The following ANXA3 variants were observed in gnomAD, a reference collection of about 807,000 sequenced individuals.
ANXA3 encodes annexin A3, also known as 35-alpha calcimedin.
A neutral mutation model predicts 48.8 loss-of-function variants in ANXA3; 46 were observed. The ratio of observed to expected loss-of-function variants is 0.94; its 90% CI spans 0.74 to 1.21. The LOEUF (loss-of-function observed/expected upper bound fraction) is 1.21, where lower values mean the gene tolerates loss of function less well. Ranked by LOEUF, ANXA3 falls within the 50% of genes most tolerant of loss-of-function variation. ANXA3 has a pLI of 0.00. For synonymous variants in ANXA3, 128 were observed against 134.7 expected (o/e 0.95, Z 0.35); for missense variants, 383 against 378.6 (o/e 1.01, Z -0.10).
At position 78,555,032 on chromosome 4, in the gene ANXA3, C is replaced by G. The variant is rs189533637; in HGVS notation, c.15+544C>G. Among the ~76,000 whole-genome samples, 339 of 152,192 alleles carry G rather than the reference C, an allele frequency of 2.2e-3. 2 individuals are homozygous for G. Among genetic ancestry groups the G allele is most frequent in the Admixed American group, 6.6e-3 (101 of 15,286 alleles). ...ACCAGCCTGGCCAACATGGTGAAAC[C>G]GTGTCTCTACTAGAAATACAAAAAT... On this transcript the variant is annotated intron_variant, in intron 2 of 12. Coordinates refer to ENST00000264908, the MANE Select transcript of ANXA3 (RefSeq NM_005139.3).
intron 5 of ANXA3, among the ~76,000 whole-genome samples, chr4:78,583,626 A>AAAG (rs910715213): frequency 2.9e-4 from 44 of 150,872 alleles, no homozygotes; most frequent in East Asian, 1.2e-3. Context: ...AAAAAAAAAA[A>AAAG]AAGAAGAAGA....
At position 78,578,292 on chromosome 4, in the gene ANXA3, A is replaced by AGAGAGC. The variant is rs1182949176; in HGVS notation, c.104-729_104-724dup. On this transcript the variant is annotated intron_variant, in intron 3 of 12. Coordinates refer to ENST00000264908, the MANE Select transcript of ANXA3 (RefSeq NM_005139.3). ...GAGAGAGAAAGGGCGAAGGGGAGAG[A>AGAGAGC]GAGAGCGAGAGAGAGAGAGAGAGAG... Among the ~76,000 whole-genome samples the AGAGAGC allele has an allele frequency of 7.8e-3, 707 of 90,108 alleles. 27 individuals are homozygous for AGAGAGC. The highest frequency in any genetic ancestry group is 0.031 in the African/African-American group (674 of 21,636). The allele number at this position is 90,108 out of a possible 152,430, so 59.1% of individuals were successfully genotyped here.
intron 10 of ANXA3, 31 bp downstream of exon 10, chr4:78,597,445 A>G (rs1170818819): frequency 1.4e-6 from 2 of 1,423,386 alleles, no homozygotes; most frequent in South Asian, 1.2e-5. Flanking sequence ...AAACTAAGTT[A>G]CTTTGCACTT....
At chr4:78,604,770 G>A (rs1210110496) in intron 12 of ANXA3, among the ~76,000 whole-genome samples, 1 of 152,160 alleles carries the variant, frequency 6.6e-6, no homozygotes, top group African/African-American at 2.4e-5. Context: ...TTTTACATGA[G>A]ACAGCATGGT....
At chr4:78,571,079 A>G (rs1722832941) in intron 2 of ANXA3, 1 of 151,960 alleles carries the variant, frequency 6.6e-6, no homozygotes. Flanking sequence ...TGACACAATC[A>G]CAGCTCACTG....
intron 7 of ANXA3, among the ~76,000 whole-genome samples, chr4:78,592,421 A>C (rs982897044): frequency 3.3e-5 from 5 of 152,218 alleles, no homozygotes; most frequent in Admixed American, 3.3e-4. Context: ...GATTTATCTA[A>C]ATTATGGTTT....
rs751136960 is a variant in ANXA3 at position 78,582,241 on chromosome 4, T to C, written c.263T>C (p.Val88Ala). 2 of 1,613,892 alleles carry C rather than the reference T, an allele frequency of 1.2e-6. No individual in the cohort carries two copies. Among genetic ancestry groups the C allele is most frequent in the South Asian group, 1.1e-5 (1 of 91,072 alleles). ...TTTGAGCATCTCATGGTGGCCCTAG[T>C]GACTCCACCAGCAGTCTTTGATGCA... is the stretch of plus-strand genomic sequence containing the variant. Reference protein sequence around the residue: ...GHFEHLMVALVTPPAVFDAKQ... With the variant: ...GHFEHLMVALATPPAVFDAKQ... The change falls in exon 5 of 13, where the codon GTG (valine) becomes GCG (alanine). Residue 88 changes from valine to alanine, a missense_variant. Physicochemically the swap from Val to Ala is moderately conservative, Grantham distance 64. Transcript: ENST00000264908.
Position 78,584,345 on chromosome 4 carries a change from A to T in ANXA3, c.313-1915A>T, listed in dbSNP as rs540335372. Among the ~76,000 whole-genome samples, 70 of 146,812 alleles carry T rather than the reference A, an allele frequency of 4.8e-4. No individual in the cohort carries two copies. The East Asian group carries it at 7.1e-3, about 15-fold the overall frequency. Reference sequence around the variant, plus strand: ...ACACCACCACACCTGGCTAATTAAAATTTTTTTTTTTTGTAGAGACAGGGT... The same window carrying T: ...ACACCACCACACCTGGCTAATTAAATTTTTTTTTTTTTGTAGAGACAGGGT... On this transcript the variant is annotated intron_variant, in intron 5 of 12. Coordinates refer to ENST00000264908, the MANE Select transcript of ANXA3 (RefSeq NM_005139.3).
chr4:78,557,198 G>A (rs1722533574), intron 2 of ANXA3, among the ~76,000 whole-genome samples: 1 of 152,172 alleles, frequency 6.6e-6, no homozygotes, highest in Non-Finnish European at 1.5e-5. Context: ...GTCTCTGCCT[G>A]TCCTTGTATG....
chr4:78,573,291 T>G (rs532280052), intron 3 of ANXA3, 24 bp downstream of exon 3: 1 of 1,551,230 alleles, frequency 6.4e-7, no homozygotes, highest in Admixed American at 1.7e-5. Context: ...TACAATTCCT[T>G]TCTTAATGTT....
At chr4:78,557,947 A>G (rs1473851126) in intron 2 of ANXA3, among the ~76,000 whole-genome samples, 1 of 152,244 alleles carries the variant, frequency 6.6e-6, no homozygotes, top group Non-Finnish European at 1.5e-5. Flanking sequence ...ACTTTTTACA[A>G]TAGCCAAGAG....
At chr4:78,580,921 T>G (rs1437295796) in intron 4 of ANXA3, among the ~76,000 whole-genome samples, 2 of 152,134 alleles carry the variant, frequency 1.3e-5, no homozygotes. Context: ...ACAGAGAAGG[T>G]GAATGATCTA....
intron 12 of ANXA3, among the ~76,000 whole-genome samples, chr4:78,607,331 T>C (rs918281646): frequency 5.3e-5 from 8 of 152,232 alleles, no homozygotes; most frequent in Non-Finnish European, 1.2e-4. Context: ...ATTCATGGGA[T>C]AGAGTTCCAT....
At chr4:78,568,066 C>G (rs925409445) in intron 2 of ANXA3, among the ~76,000 whole-genome samples, 8 of 151,114 alleles carry the variant, frequency 5.3e-5, no homozygotes, top group African/African-American at 9.9e-5. Flanking sequence ...GCCACTGTGA[C>G]CTCATCTTAA....
intron 9 of ANXA3, chr4:78,596,964 A>G (rs1197359896): frequency 9.9e-6 from 2 of 202,788 alleles, no homozygotes; most frequent in African/African-American, 2.4e-5. Flanking sequence ...TAGTGATTAT[A>G]GTATCATTTC....
intron 7 of ANXA3, among the ~76,000 whole-genome samples, chr4:78,593,281 C>T (rs1224679722): frequency 6.6e-6 from 1 of 152,072 alleles, no homozygotes; most frequent in African/African-American, 2.4e-5. Flanking sequence ...CGGCTCACTG[C>T]AACCTCTGCC....
At chr4:78,574,902 T>C (rs780796840) in intron 3 of ANXA3, among the ~76,000 whole-genome samples, 2 of 152,366 alleles carry the variant, frequency 1.3e-5, no homozygotes, top group Non-Finnish European at 2.9e-5. Context: ...TTGATGGGGA[T>C]GCTTCTCTTC....
Position 78,577,452 on chromosome 4 carries a change from G to A in ANXA3, c.104-1575G>A, listed in dbSNP as rs559612185. 4.6e-5 allele frequency among the ~76,000 whole-genome samples: 7 copies of A among 152,186 alleles called. No homozygotes were observed. The South Asian group carries it at 8.3e-4, about 18-fold the overall frequency. ...AGATACTTGTGCAGTTGTGGTGGCC[G>A]GTAGTGTACTGACACAGATGCTGGG... is the stretch of plus-strand genomic sequence containing the variant. On this transcript the variant is annotated intron_variant, in intron 3 of 12. Transcript: ENST00000264908.
At chr4:78,605,101 A>G (rs778325316) in intron 12 of ANXA3, among the ~76,000 whole-genome samples, 1 of 152,220 alleles carries the variant, frequency 6.6e-6, no homozygotes, top group Non-Finnish European at 1.5e-5. Context: ...TAGCTTTGGC[A>G]CAGAGGGTAT....
Sources: gnomAD v4.1 joint callset for allele counts (sites outside exome capture counted in the v4.1 genomes callset) on GRCh38, gnomAD v4.1.1 for gene constraint, MANE v1.5 for transcripts, NCBI Gene and HGNC (gene_info 2026-07-23, HGNC 2026-07-21) for gene names.